Variants in FSTL5 observed in about 807,000 individuals in gnomAD.
FSTL5 encodes follistatin-related protein 5.
Under a neutral mutation model 89.1 loss-of-function variants are expected in FSTL5, and 62 were observed. That is an observed-to-expected ratio of 0.70 (90% CI 0.57 to 0.86). The LOEUF (loss-of-function observed/expected upper bound fraction) is 0.86. FSTL5 is among the 40% of genes least tolerant of loss of function. The pLI is 0.00. For missense variants in FSTL5, 1,057 were observed against 1,001.6 expected (o/e 1.06, Z -0.75); for synonymous variants, 383 against 346.2 (o/e 1.11, Z -1.18).
chr4:161,446,612 A>G lies in FSTL5; in HGVS notation c.1841+8392T>C, dbSNP rs141115709. On this transcript the variant is annotated intron_variant, in intron 15 of 15. Coordinates refer to ENST00000306100, the MANE Select transcript of FSTL5 (RefSeq NM_020116.5). ...AATGTACATTATCTTTTTCTTCACC[A>G]AAATTTTATGAGAACTAGCTAATGC... 1.4e-3 allele frequency among the ~76,000 whole-genome samples: 206 copies of G among 152,188 alleles called. 1 individual carries two copies. Among genetic ancestry groups the G allele is most frequent in the South Asian group, 8.3e-3 (40 of 4,832 alleles).
intron 15 of FSTL5, among the ~76,000 whole-genome samples, chr4:161,412,780 A>T (rs1731638139): frequency 6.6e-6 from 1 of 152,144 alleles, no homozygotes; most frequent in Non-Finnish European, 1.5e-5. Flanking sequence ...CAACCACCTA[A>T]TCTTCAACAA....
Position 162,111,379 on chromosome 4 carries a change from T to C in FSTL5, c.18A>G (p.Ser6=). 1 of 1,612,070 alleles carries C rather than the reference T, an allele frequency of 6.2e-7. No individual in the cohort carries two copies. Among genetic ancestry groups the C allele is most frequent in the Non-Finnish European group, 8.5e-7 (1 of 1,178,664 alleles). MFKCW[S]VVLVLGFIFL... ...AAATGAATCCGAGAACCAAGACAAC[T>C]GACCAGCACTTAAACATCCTTATTG... Residue 6 remains serine (S), a synonymous_variant, in exon 2 of 16, where the codon TCA becomes TCG. Coordinates refer to ENST00000306100, the MANE Select transcript of FSTL5 (RefSeq NM_020116.5).
chr4:161,844,240 A>G (rs548656365), intron 4 of FSTL5, among the ~76,000 whole-genome samples: 6 of 152,228 alleles, frequency 3.9e-5, no homozygotes, highest in Non-Finnish European at 7.4e-5. Context: ...ATGTCATACA[A>G]TCTCATGCCA....
At chr4:162,070,798 C>A (rs1014207724) in intron 2 of FSTL5, among the ~76,000 whole-genome samples, 6 of 151,700 alleles carry the variant, frequency 4.0e-5, no homozygotes, top group Admixed American at 6.6e-5. Context: ...GAATTCTATA[C>A]CCATCAAGGC....
Position 161,769,960 on chromosome 4 carries a change from A to G in FSTL5, c.606+5918T>C, listed in dbSNP as rs536680881. ...ACAATAGCCAAGATTTGGAAGCAAC[A>G]TAAGTGTTTATCAACAGATGAATGG... is the stretch of plus-strand genomic sequence containing the variant. On this transcript the variant is annotated intron_variant, in intron 5 of 15. Coordinates refer to ENST00000306100, the MANE Select transcript of FSTL5 (RefSeq NM_020116.5). Among the ~76,000 whole-genome samples, 8 of 152,108 alleles carry G rather than the reference A, an allele frequency of 5.3e-5. No individual in the cohort carries two copies. In the South Asian group the frequency reaches 8.3e-4, roughly 16 times the overall value.
At chr4:161,517,449 T>C (rs1730880053) in intron 10 of FSTL5, among the ~76,000 whole-genome samples, 1 of 152,146 alleles carries the variant, frequency 6.6e-6, no homozygotes, top group African/African-American at 2.4e-5. Flanking sequence ...ATAATGAAAA[T>C]GTGCTCAGTG....
chr4:161,515,078 T>C lies in FSTL5; in HGVS notation c.1313-4654A>G, dbSNP rs901579313. On this transcript the variant is annotated intron_variant, in intron 10 of 15. Transcript: ENST00000306100. ...TTTTGCAATTACTTAACTTAAAAAT[T>C]ATATATATTGTTATTATCTGTTTAA... Among the ~76,000 whole-genome samples the C allele has an allele frequency of 2.1e-4, 32 of 152,270 alleles. 1 individual carries two copies. Among genetic ancestry groups the C allele is most frequent in the South Asian group, 2.1e-3 (10 of 4,832 alleles).
chr4:161,800,277 C>T (rs556069281), intron 4 of FSTL5, among the ~76,000 whole-genome samples: 1 of 151,618 alleles, frequency 6.6e-6, no homozygotes, highest in South Asian at 2.1e-4. Flanking sequence ...ATACAAAACC[C>T]GTTCAAACCA....
At chr4:161,777,249 A>G (rs948607831) in intron 4 of FSTL5, among the ~76,000 whole-genome samples, 1 of 144,990 alleles carries the variant, frequency 6.9e-6, no homozygotes, top group Non-Finnish European at 1.5e-5. Context: ...TTGTGTATAT[A>G]TATATATATA....
chr4:162,093,380 C>T (rs959969585), intron 2 of FSTL5, among the ~76,000 whole-genome samples: 2 of 152,096 alleles, frequency 1.3e-5, no homozygotes, highest in African/African-American at 4.8e-5. Context: ...CCCAACACTT[C>T]GCTGAGATGA....
At chr4:161,478,676 A>T (rs536226629) in intron 13 of FSTL5, among the ~76,000 whole-genome samples, 4 of 152,188 alleles carry the variant, frequency 2.6e-5, no homozygotes, top group African/African-American at 9.6e-5. Flanking sequence ...AAGAAGGCAG[A>T]ATATCTTCTT....
chr4:161,878,538 C>T (rs1732521815), intron 4 of FSTL5, among the ~76,000 whole-genome samples: 1 of 151,906 alleles, frequency 6.6e-6, no homozygotes, highest in African/African-American at 2.4e-5. Flanking sequence ...AGGAAACAAC[C>T]TTCTTTGTTT....
chr4:161,873,692 C>T (rs561012840), intron 4 of FSTL5, among the ~76,000 whole-genome samples: 2 of 150,830 alleles, frequency 1.3e-5, no homozygotes, highest in East Asian at 3.9e-4. Flanking sequence ...TGAAGCACCT[C>T]AATGCCTGCA....
At chr4:161,443,262 C>T (rs1732837672) in intron 15 of FSTL5, among the ~76,000 whole-genome samples, 1 of 151,914 alleles carries the variant, frequency 6.6e-6, no homozygotes, top group Non-Finnish European at 1.5e-5. Flanking sequence ...AGGATTATGT[C>T]AAGCGCTCTC....
chr4:161,481,290 T>C (rs1729495960), intron 12 of FSTL5, 121 bp from the exon 13 acceptor site: 1 of 556,046 alleles, frequency 1.8e-6, no homozygotes, highest in East Asian at 3.3e-5. Context: ...GTTAAATATA[T>C]ATATATAAAG....
At chr4:162,016,832 G>A (rs1484329900) in intron 3 of FSTL5, among the ~76,000 whole-genome samples, 1 of 152,120 alleles carries the variant, frequency 6.6e-6, no homozygotes, top group Non-Finnish European at 1.5e-5. Flanking sequence ...TGTCAAATTT[G>A]GAGGCAGCAG....
At chr4:162,106,610 G>A (rs1393755828) in intron 2 of FSTL5, among the ~76,000 whole-genome samples, 1 of 152,042 alleles carries the variant, frequency 6.6e-6, no homozygotes, top group Non-Finnish European at 1.5e-5. Flanking sequence ...AAGGGATAAT[G>A]GAGAAATGAG....
chr4:161,604,739 T>G (rs1734377596), intron 7 of FSTL5, among the ~76,000 whole-genome samples: 1 of 152,106 alleles, frequency 6.6e-6, no homozygotes, highest in South Asian at 2.1e-4. Context: ...AATCTGCCCA[T>G]GGGGACTGCT....
At chr4:162,046,612 G>C (rs2111242917) in intron 2 of FSTL5, among the ~76,000 whole-genome samples, 1 of 152,094 alleles carries the variant, frequency 6.6e-6, no homozygotes. Context: ...ATTTGGTAAA[G>C]AGCCACATAA....
Sources: gnomAD v4.1 joint callset for allele counts (sites outside exome capture counted in the v4.1 genomes callset) on GRCh38, gnomAD v4.1.1 for gene constraint, MANE v1.5 for transcripts, NCBI Gene and HGNC (gene_info 2026-07-23, HGNC 2026-07-21) for gene names.